Variants in TRAF5 observed in about 807,000 individuals in gnomAD.
The protein encoded by TRAF5 is TNF receptor associated factor 5, also known as TNF receptor-associated factor 5.
Under a neutral mutation model 64.5 loss-of-function variants are expected in TRAF5, and 48 were observed. The ratio of observed to expected loss-of-function variants is 0.74; its 90% CI spans 0.59 to 0.95. The LOEUF (loss-of-function observed/expected upper bound fraction) is 0.95, where lower values mean the gene tolerates loss of function less well. Ranked by LOEUF, TRAF5 falls within the 40% of genes least tolerant of loss-of-function variation. The pLI is 0.00. For missense variants in TRAF5, 545 were observed against 662.8 expected (o/e 0.82, Z 1.95); for synonymous variants, 206 against 240.5 (o/e 0.86, Z 1.33).
At chr1:211,336,272 C>T (rs1293353065) in intron 1 of TRAF5, among the ~76,000 whole-genome samples, 2 of 152,238 alleles carry the variant, frequency 1.3e-5, no homozygotes, top group East Asian at 1.9e-4. Context: ...ACATTTTTCT[C>T]AGCATTTCCC....
In TRAF5 at chr1:211,372,580, G is replaced by GC. The variant is rs1364937906; in HGVS notation, c.1553dup (p.Ser519IlefsTer21). On this transcript the variant is annotated frameshift_variant, in exon 11 of 11. Coordinates refer to ENST00000261464, the MANE Select transcript of TRAF5 (RefSeq NM_001033910.3). LOFTEE classifies it high-confidence loss of function. Reference sequence around the variant, plus strand: ...AAGACCTGATGGGGAGATGAACATTGCATCTGGCTGTCCCCGCTTTGTGGC... The same window carrying GC: ...AAGACCTGATGGGGAGATGAACATTGCCATCTGGCTGTCCCCGCTTTGTGGC... The GC allele has an allele frequency of 3.7e-6, 6 of 1,614,054 alleles. No homozygotes were observed. Among genetic ancestry groups the GC allele is most frequent in the Non-Finnish European group, 5.1e-6 (6 of 1,180,038 alleles).
upstream of TRAF5, chr1:211,326,743 C>T (rs1042736170): frequency 4.1e-6 from 4 of 985,696 alleles, no homozygotes; most frequent in Middle Eastern, 5.2e-4. This position sits in a 1 kb window ranked among gnomAD's most constrained non-coding sequence, Gnocchi z 5.0. Context: ...CGCGTCCGCT[C>T]TTCCCCTGCG....
intron 10 of TRAF5, 40 bp from the exon 11 acceptor site, chr1:211,372,088 G>A: frequency 4.1e-6 from 6 of 1,480,634 alleles, no homozygotes; most frequent in Non-Finnish European, 5.4e-6. Context: ...ATAACTTTTA[G>A]GCCTATGGAA....
intron 1 of TRAF5, among the ~76,000 whole-genome samples, chr1:211,344,950 A>G (rs1702554529): frequency 6.6e-6 from 1 of 151,728 alleles, no homozygotes; most frequent in African/African-American, 2.4e-5. Flanking sequence ...TAGAGACATA[A>G]TTTTGCTCTT....
At chr1:211,341,002 G>A (rs962857859) in intron 1 of TRAF5, among the ~76,000 whole-genome samples, 1 of 152,202 alleles carries the variant, frequency 6.6e-6, no homozygotes, top group Non-Finnish European at 1.5e-5. Flanking sequence ...TGGCCTCTTT[G>A]TACCTTCTTT....
chr1:211,360,407 G>T, intron 5 of TRAF5: 1 of 490,782 alleles, frequency 2.0e-6, no homozygotes, highest in East Asian at 3.5e-5. Flanking sequence ...GGCATAAAAA[G>T]AAAGCATGGG....
At chr1:211,340,522 T>C (rs1432355060) in intron 1 of TRAF5, among the ~76,000 whole-genome samples, 1 of 152,184 alleles carries the variant, frequency 6.6e-6, no homozygotes, top group African/African-American at 2.4e-5. Flanking sequence ...CCTCAGGTGA[T>C]CCACCCACCT....
intron 4 of TRAF5, 100 bp downstream of exon 4, chr1:211,356,568 G>A (rs1349498443): frequency 1.9e-6 from 2 of 1,059,402 alleles, no homozygotes; most frequent in Non-Finnish European, 2.8e-6. Context: ...ATGGTACAGG[G>A]ATTCAGTGAA....
At chr1:211,327,030 G>T in intron 1 of TRAF5, 141 bp downstream of exon 1, 1 of 743,858 alleles carries the variant, frequency 1.3e-6, no homozygotes. Flanking sequence ...CCGACCGGCG[G>T]GGAGGGCGCG....
intron 1 of TRAF5, among the ~76,000 whole-genome samples, chr1:211,347,951 T>A (rs1178708726): frequency 6.6e-6 from 1 of 152,266 alleles, no homozygotes; most frequent in Non-Finnish European, 1.5e-5. Flanking sequence ...CGGCAAATGC[T>A]ACAAGCTGGA....
chr1:211,354,897 A>G (rs995716406), intron 3 of TRAF5, among the ~76,000 whole-genome samples: 2 of 152,138 alleles, frequency 1.3e-5, no homozygotes, highest in Non-Finnish European at 2.9e-5. Flanking sequence ...GTTGAATTAT[A>G]AGAGTTATTT....
At chr1:211,356,571 T>C in intron 4 of TRAF5, 103 bp downstream of exon 4, 2 of 1,011,926 alleles carry the variant, frequency 2.0e-6, no homozygotes, top group East Asian at 5.1e-5. Flanking sequence ...GTACAGGGAT[T>C]CAGTGAATTG....
intron 1 of TRAF5, among the ~76,000 whole-genome samples, chr1:211,340,254 A>G (rs1022221545): frequency 4.6e-5 from 7 of 152,062 alleles, no homozygotes; most frequent in Non-Finnish European, 1.0e-4. Flanking sequence ...AGCCTCATTC[A>G]CTTTACGAGT....
At position 211,369,537 on chromosome 1, in the gene TRAF5, T is replaced by A; in HGVS notation, c.875T>A (p.Phe292Tyr). The A allele has an allele frequency of 6.2e-7, 1 of 1,610,758 alleles. No homozygotes were observed. Among genetic ancestry groups the A allele is most frequent in the South Asian group, 1.1e-5 (1 of 90,084 alleles). The stretch of plus-strand genomic sequence containing the variant: ...ACTATAAAGAAACTTGAAAAGGAGT[T>A]CAAGCAGTTTGCACAGTTGTTTGGC... ...AETIKKLEKE[F>Y]KQFAQLFGKN... is the part of the protein sequence containing the mutation. Residue 292 changes from phenylalanine to tyrosine, a missense_variant, in exon 9 of 11, where the codon TTC becomes TAC. Coordinates refer to ENST00000261464, the MANE Select transcript of TRAF5 (RefSeq NM_001033910.3).
intron 6 of TRAF5, 64 bp downstream of exon 6, chr1:211,360,843 CTG>C: frequency 1.4e-6 from 2 of 1,477,942 alleles, no homozygotes; most frequent in Admixed American, 1.7e-5. Context: ...TCATTGTGGT[CTG>C]TGTTTGATAC....
At chr1:211,367,219 C>G (rs1213596690) in intron 8 of TRAF5, among the ~76,000 whole-genome samples, 1 of 152,198 alleles carries the variant, frequency 6.6e-6, no homozygotes, top group Non-Finnish European at 1.5e-5. Flanking sequence ...CTCAAGCCAT[C>G]TGCCTGCCTC....
At chr1:211,350,467 G>T (rs1233190767) in intron 1 of TRAF5, among the ~76,000 whole-genome samples, 1 of 152,152 alleles carries the variant, frequency 6.6e-6, no homozygotes, top group Non-Finnish European at 1.5e-5. Flanking sequence ...AGAGGTCCAG[G>T]ATGGTGCTGT....
Position 211,373,463 on chromosome 1 carries a change from A to T in TRAF5, c.*761A>T, listed in dbSNP as rs1047931353. Reference sequence around the variant, plus strand: ...TTTCATAGGTCAAAAATGGTAAAAAATTAGCAGTTTCATAAGATTCAACCA... The same window carrying T: ...TTTCATAGGTCAAAAATGGTAAAAATTTAGCAGTTTCATAAGATTCAACCA... On this transcript the variant is annotated 3_prime_UTR_variant, in exon 11 of 11. Transcript: ENST00000261464. The T allele has an allele frequency of 6.6e-6, 1 of 152,210 alleles. No individual in the cohort carries two copies. Among genetic ancestry groups the T allele is most frequent in the Non-Finnish European group, 1.5e-5 (1 of 68,044 alleles). 9.4% of individuals were successfully genotyped at this position (152,210 alleles called of 1,614,324 possible). A position where few individuals can be genotyped will look rare whatever the true frequency, so the allele number is the denominator to read the frequency against.
chr1:211,372,294 TG>T lies in TRAF5; in HGVS notation c.1269del (p.His424ThrfsTer25), dbSNP rs777767304. ...YKMKKREAVD[G>X]HTVSIFSQSF... ...AGATGAAGAAGAGAGAGGCGGTGGA[TG>T]GGCACACAGTGTCCATCTTCAGCCA... On this transcript the variant is annotated frameshift_variant, in exon 11 of 11. Transcript: ENST00000261464. LOFTEE classifies it high-confidence loss of function. The T allele has an allele frequency of 1.2e-6, 2 of 1,614,086 alleles. No individual in the cohort carries two copies. The highest frequency in any genetic ancestry group is 2.2e-5 in the South Asian group (2 of 91,080).
Sources: gnomAD v4.1 joint callset for allele counts (sites outside exome capture counted in the v4.1 genomes callset) on GRCh38, gnomAD v4.1.1 for gene constraint, Gnocchi (gnomAD v3.1) non-coding constraint, MANE v1.5 for transcripts, NCBI Gene and HGNC (gene_info 2026-07-23, HGNC 2026-07-21) for gene names.